The following SYN3 variants were observed in gnomAD, a reference collection of about 807,000 sequenced individuals.
The protein encoded by SYN3 is synapsin-3.
SYN3 carries 35 observed loss-of-function variants against 65.8 expected under a neutral mutation model. That is an observed-to-expected ratio of 0.53 (90% confidence interval 0.41 to 0.70). The LOEUF (loss-of-function observed/expected upper bound fraction) is 0.70. Among genes scored for constraint, SYN3 ranks in the 30% least tolerant of loss-of-function variants. The pLI, the probability that SYN3 is intolerant of heterozygous loss-of-function variation, is 0.00. For synonymous variants in SYN3, 270 were observed against 292.9 expected (o/e 0.92, Z 0.80); for missense variants, 680 against 749.0 (o/e 0.91, Z 1.08).
chr22:32,883,952 T>C (rs1258408906), intron 4 of SYN3, among the ~76,000 whole-genome samples: 3 of 152,188 alleles, frequency 2.0e-5, no homozygotes, highest in African/African-American at 4.8e-5. Context: ...GCTGAGTCCA[T>C]AGTGGTGGCC....
chr22:32,756,809 T>G (rs1349760768), intron 6 of SYN3, among the ~76,000 whole-genome samples: 2 of 152,194 alleles, frequency 1.3e-5, no homozygotes, highest in Non-Finnish European at 1.5e-5. Flanking sequence ...CTGTACAACC[T>G]GCAGAACCAT....
chr22:32,930,243 C>T (rs1601717381), intron 4 of SYN3, among the ~76,000 whole-genome samples: 5 of 152,034 alleles, frequency 3.3e-5, no homozygotes, highest in Non-Finnish European at 5.9e-5. Flanking sequence ...ATCATGGGGG[C>T]GGGTCTTTCT....
chr22:32,952,856 G>A (rs1011210440), intron 3 of SYN3, among the ~76,000 whole-genome samples: 1 of 152,192 alleles, frequency 6.6e-6, no homozygotes, highest in African/African-American at 2.4e-5. Context: ...CAGAACAAAC[G>A]AGTTTGAATC....
intron 6 of SYN3, among the ~76,000 whole-genome samples, chr22:32,695,864 T>TGGA (rs1481274617): frequency 3.3e-5 from 5 of 152,192 alleles, no homozygotes; most frequent in African/African-American, 1.2e-4. Flanking sequence ...TAAATGATTA[T>TGGA]TTATTCAGCC....
At position 32,837,519 on chromosome 22, in the gene SYN3, G is replaced by A. The variant is rs766146735; in HGVS notation, c.711+27396C>T. Among the ~76,000 whole-genome samples the A allele has an allele frequency of 7.9e-5, 12 of 152,294 alleles. No homozygotes were observed. The highest frequency in any genetic ancestry group is 1.2e-4 in the Non-Finnish European group (8 of 68,026). ...CTCCAAGAGGTGAAAGGGCTTGAGG[G>A]GAGACAGGGTACGGCGGGAGACAGA... On this transcript the variant is annotated intron_variant, in intron 6 of 13. Transcript: ENST00000358763. The surrounding 1 kb of genome is among the most constrained non-coding windows in gnomAD (Gnocchi z 4.1).
At chr22:32,600,847 T>C (rs1467770834) in intron 6 of SYN3, among the ~76,000 whole-genome samples, 1 of 152,024 alleles carries the variant, frequency 6.6e-6, no homozygotes, top group African/African-American at 2.4e-5. Flanking sequence ...CCACCATGCC[T>C]GGCTAATTTT....
chr22:32,950,185 CAG>C (rs1231562976), intron 3 of SYN3, among the ~76,000 whole-genome samples: 1 of 152,184 alleles, frequency 6.6e-6, no homozygotes. Context: ...AGAGAGGAGA[CAG>C]AGACACACAG....
chr22:32,672,688 A>G (rs2060387548), intron 6 of SYN3, among the ~76,000 whole-genome samples: 2 of 152,340 alleles, frequency 1.3e-5, no homozygotes, highest in African/African-American at 4.8e-5. Context: ...GTGGGAACCC[A>G]GAATCACTCT....
chr22:32,962,983 TTGTATATGTA>T lies in SYN3; in HGVS notation c.369+17652_369+17661del, dbSNP rs2051706525. On this transcript the variant is annotated intron_variant, in intron 3 of 13. Transcript: ENST00000358763. The stretch of plus-strand genomic sequence containing the variant: ...TGGGTATAAATGTATATATATAGAT[TTGTATATGTA>T]TGTATATGTATATATACATTTATAT... 3.5e-4 allele frequency among the ~76,000 whole-genome samples: 53 copies of T among 151,042 alleles called. 1 individual carries two copies. The South Asian group carries it at 0.011, about 31-fold the overall frequency.
intron 6 of SYN3, among the ~76,000 whole-genome samples, chr22:32,746,206 G>C (rs1207096021): frequency 6.6e-6 from 1 of 152,202 alleles, no homozygotes; most frequent in Admixed American, 6.5e-5. Flanking sequence ...TCAGGTCCAC[G>C]GTTGCAGCCT....
intron 2 of SYN3, among the ~76,000 whole-genome samples, chr22:32,990,527 G>A (rs2052683773): frequency 6.6e-6 from 1 of 151,814 alleles, no homozygotes; most frequent in South Asian, 2.1e-4. Context: ...CATCCATCTA[G>A]GACATACTAT....
At chr22:32,700,622 G>A (rs547925811) in intron 6 of SYN3, among the ~76,000 whole-genome samples, 2 of 152,264 alleles carry the variant, frequency 1.3e-5, no homozygotes, top group East Asian at 3.9e-4. Context: ...GCCAACCAAT[G>A]CATCAGCCAA....
intron 3 of SYN3, among the ~76,000 whole-genome samples, chr22:32,947,751 T>C (rs528360334): frequency 2.0e-5 from 3 of 152,342 alleles, no homozygotes; most frequent in East Asian, 1.9e-4. Flanking sequence ...TAGTCTTCTA[T>C]TGCTGCCATA....
chr22:32,840,408 T>C (rs1240690059), intron 6 of SYN3, among the ~76,000 whole-genome samples: 2 of 152,068 alleles, frequency 1.3e-5, no homozygotes, highest in East Asian at 1.9e-4. Flanking sequence ...AGAAGGGCCC[T>C]GGGGGACCAG....
chr22:32,556,820 T>TGTGTGTG (rs2058507994), intron 7 of SYN3, among the ~76,000 whole-genome samples: 1 of 128,922 alleles, frequency 7.8e-6, no homozygotes, highest in East Asian at 2.2e-4. Context: ...TTTTTTTTTT[T>TGTGTGTG]TTTTTTTTTT....
chr22:32,611,919 T>C (rs2059451115), intron 6 of SYN3, among the ~76,000 whole-genome samples: 1 of 152,134 alleles, frequency 6.6e-6, no homozygotes, highest in Admixed American at 6.5e-5. Context: ...CCACCCTTCA[T>C]CCTCTGGGAA....
At chr22:32,529,481 G>A (rs1024216149) in intron 10 of SYN3, among the ~76,000 whole-genome samples, 2 of 152,202 alleles carry the variant, frequency 1.3e-5, no homozygotes, top group Non-Finnish European at 2.9e-5. Flanking sequence ...AGGAAAGAGG[G>A]AAGAGGAAAG....
chr22:32,708,962 GGAAGAGA>G (rs1038197723), intron 6 of SYN3, among the ~76,000 whole-genome samples: 3 of 152,196 alleles, frequency 2.0e-5, no homozygotes, highest in South Asian at 2.1e-4. Context: ...GGCCTGGCAT[GGAAGAGA>G]GAATCACTCG....
chr22:32,880,873 C>T (rs1259840265), intron 4 of SYN3, among the ~76,000 whole-genome samples: 2 of 152,248 alleles, frequency 1.3e-5, no homozygotes, highest in Non-Finnish European at 2.9e-5. Flanking sequence ...CCTGTTTCCC[C>T]AGCACCCAGC....
Sources: allele counts gnomAD v4.1 joint callset (sites outside exome capture counted in the v4.1 genomes callset), GRCh38; gene constraint gnomAD v4.1.1; non-coding constraint Gnocchi (gnomAD v3.1); transcripts MANE v1.5; gene names NCBI Gene and HGNC (gene_info 2026-07-23, HGNC 2026-07-21).